The following SMC6 variants were observed in gnomAD, a reference collection of about 807,000 sequenced individuals.
SMC6 encodes the protein structural maintenance of chromosomes 6.
SMC6 carries 79 observed loss-of-function variants against 142.2 expected under a neutral mutation model. The ratio of observed to expected loss-of-function variants is 0.56; its 90% CI spans 0.46 to 0.67. The LOEUF is 0.67. Ranked by LOEUF, SMC6 falls within the 30% of genes least tolerant of loss-of-function variation. The probability of loss-of-function intolerance (pLI) is 0.00; values close to 1 mark genes in which losing one functional copy is unlikely to be tolerated. For synonymous variants in SMC6, 411 were observed against 412.4 expected (o/e 1.00, Z 0.04); for missense variants, 1,072 against 1,284.0 (o/e 0.83, Z 2.52).
At position 17,730,143 on chromosome 2, in the gene SMC6, T is replaced by G. The variant is rs566331510; in HGVS notation, c.543+935A>C. On this transcript the variant is annotated intron_variant, in intron 7 of 27. Transcript: ENST00000448223. The stretch of plus-strand genomic sequence containing the variant: ...ACAGCCTTAAGTATAAATTTATTTT[T>G]TGTGGCTCCCAGTTTCTCATCTACA... Among the ~76,000 whole-genome samples, 36 of 152,326 alleles carry G rather than the reference T, an allele frequency of 2.4e-4. 2 individuals carry two copies. In the South Asian group the frequency reaches 7.3e-3, roughly 31 times the overall value.
chr2:17,704,568 C>A (rs2124950105), intron 18 of SMC6, among the ~76,000 whole-genome samples: 1 of 152,260 alleles, frequency 6.6e-6, no homozygotes, highest in Non-Finnish European at 1.5e-5. Flanking sequence ...TTTCCCTGGT[C>A]TGGGGGATAT....
chr2:17,751,156 T>C (rs1387657309), intron 2 of SMC6, among the ~76,000 whole-genome samples: 3 of 151,950 alleles, frequency 2.0e-5, no homozygotes, highest in African/African-American at 7.2e-5. Flanking sequence ...GTTTGGCAAG[T>C]AGGGAGAATG....
At chr2:17,687,074 G>A (rs1014615407) in intron 23 of SMC6, among the ~76,000 whole-genome samples, 2 of 152,078 alleles carry the variant, frequency 1.3e-5, no homozygotes, top group Non-Finnish European at 2.9e-5. Flanking sequence ...TTTGGATAAG[G>A]AATACTCAAC....
At chr2:17,665,962 T>C (rs760682975) in intron 27 of SMC6, among the ~76,000 whole-genome samples, 13 of 152,192 alleles carry the variant, frequency 8.5e-5, no homozygotes, top group Non-Finnish European at 1.6e-4. Flanking sequence ...ACATGGCCAC[T>C]TTAGAGACAG....
chr2:17,749,428 G>A (rs1047383852), intron 2 of SMC6, among the ~76,000 whole-genome samples: 20 of 152,290 alleles, frequency 1.3e-4, no homozygotes, highest in South Asian at 1.0e-3. Flanking sequence ...GGTGGTTCAC[G>A]CCTGTAATCC....
At chr2:17,749,042 G>T (rs938795634) in intron 2 of SMC6, among the ~76,000 whole-genome samples, 4 of 152,174 alleles carry the variant, frequency 2.6e-5, no homozygotes, top group African/African-American at 9.7e-5. Context: ...GACACTGAAG[G>T]ATCCTACCTT....
intron 4 of SMC6, chr2:17,740,849 C>CA (rs769339855): frequency 1.0e-4 from 16 of 157,142 alleles, no homozygotes; most frequent in African/African-American, 4.0e-4. Flanking sequence ...GACTCTGTCT[C>CA]AAAAAAACAA....
At chr2:17,676,861 A>C (rs1052891430) in intron 25 of SMC6, among the ~76,000 whole-genome samples, 2 of 152,194 alleles carry the variant, frequency 1.3e-5, no homozygotes, top group African/African-American at 4.8e-5. Flanking sequence ...GTGCAAGTAC[A>C]TAGAAATGTA....
chr2:17,732,136 G>C (rs1669942942), intron 5 of SMC6, among the ~76,000 whole-genome samples: 1 of 152,140 alleles, frequency 6.6e-6, no homozygotes, highest in African/African-American at 2.4e-5. Flanking sequence ...CATAGAAATA[G>C]CACATCTGCA....
At chr2:17,739,364 G>A (rs747438458) in intron 4 of SMC6, among the ~76,000 whole-genome samples, 4 of 152,096 alleles carry the variant, frequency 2.6e-5, no homozygotes, top group African/African-American at 4.8e-5. Flanking sequence ...AAGCAGGCTG[G>A]CCGGGCACAG....
intron 20 of SMC6, among the ~76,000 whole-genome samples, chr2:17,701,574 G>A (rs1668274882): frequency 6.6e-6 from 1 of 152,060 alleles, no homozygotes; most frequent in Non-Finnish European, 1.5e-5. Flanking sequence ...ATACAATTAA[G>A]TTTTGGTAAA....
At chr2:17,728,753 A>AT (rs34420389) in intron 7 of SMC6, among the ~76,000 whole-genome samples, 76,028 of 148,356 alleles carry the variant, frequency 0.51, 21,763 homozygotes, top group African/African-American at 0.78. Flanking sequence ...GTCACACACA[A>AT]TTTTTTTTTT....
At chr2:17,736,702 G>T (rs897977241) in intron 5 of SMC6, among the ~76,000 whole-genome samples, 1 of 146,732 alleles carries the variant, frequency 6.8e-6, no homozygotes, top group East Asian at 2.0e-4. Flanking sequence ...AGGCCCCTTC[G>T]CTACTAAAAA....
At chr2:17,671,639 T>A (rs1238933796) in intron 25 of SMC6, among the ~76,000 whole-genome samples, 1 of 151,120 alleles carries the variant, frequency 6.6e-6, no homozygotes, top group African/African-American at 2.4e-5. Context: ...AAAAATTTCT[T>A]TTGTATTGTA....
At chr2:17,706,919 G>A (rs567322675) in intron 18 of SMC6, among the ~76,000 whole-genome samples, 1 of 152,294 alleles carries the variant, frequency 6.6e-6, no homozygotes, top group East Asian at 1.9e-4. Flanking sequence ...CAGTGATGTA[G>A]CTGATTTACA....
chr2:17,675,043 C>T (rs1187558780), intron 25 of SMC6, among the ~76,000 whole-genome samples: 3 of 152,018 alleles, frequency 2.0e-5, no homozygotes, highest in Non-Finnish European at 4.4e-5. Context: ...AGCCATGCAT[C>T]TCCTTTCAAT....
At chr2:17,739,060 T>A (rs1364279159) in intron 4 of SMC6, among the ~76,000 whole-genome samples, 2 of 152,214 alleles carry the variant, frequency 1.3e-5, no homozygotes, top group Non-Finnish European at 2.9e-5. Context: ...CTTGCATTAT[T>A]TGTTGAATGA....
At chr2:17,679,883 A>G (rs1667163621) in intron 24 of SMC6, 1 of 152,206 alleles carries the variant, frequency 6.6e-6, no homozygotes, top group Non-Finnish European at 1.5e-5. Context: ...CTGTGGTTTC[A>G]TAACATCTTT....
chr2:17,684,454 C>T (rs1275139986), intron 23 of SMC6, among the ~76,000 whole-genome samples: 1 of 152,178 alleles, frequency 6.6e-6, no homozygotes, highest in Admixed American at 6.5e-5. Flanking sequence ...CAAAACTCTC[C>T]TACAGACAAA....
Sources: allele counts gnomAD v4.1 joint callset (sites outside exome capture counted in the v4.1 genomes callset), GRCh38; gene constraint gnomAD v4.1.1; transcripts MANE v1.5; gene names NCBI Gene and HGNC (gene_info 2026-07-23, HGNC 2026-07-21).